The following SAXO1 variants were observed in gnomAD, a reference collection of about 807,000 sequenced individuals.
SAXO1 encodes stabilizer of axonemal microtubules 1, also known as 4930500O09Rik.
In SAXO1, 21 loss-of-function variants were observed where a neutral mutation model predicts 17.5. The ratio of observed to expected loss-of-function variants is 1.20; its 90% CI spans 0.85 to 1.72. The LOEUF is 1.72. Ranked by LOEUF, SAXO1 falls within the 40% of genes most tolerant of loss-of-function variation. The probability of loss-of-function intolerance (pLI) is 0.00; values close to 1 mark genes in which losing one functional copy is unlikely to be tolerated. For missense variants in SAXO1, 843 were observed against 596.0 expected (o/e 1.41, Z -4.32); for synonymous variants, 274 against 216.5 (o/e 1.27, Z -2.33).
intron 1 of SAXO1, among the ~76,000 whole-genome samples, chr9:18,985,093 C>G (rs909833791): frequency 1.3e-5 from 2 of 151,910 alleles, no homozygotes; most frequent in African/African-American, 4.8e-5. Context: ...TATTTCAATA[C>G]TGTGTCTCAA....
chr9:19,016,335 C>G (rs4977276), intron 1 of SAXO1, among the ~76,000 whole-genome samples: 1 of 152,142 alleles, frequency 6.6e-6, no homozygotes, highest in Non-Finnish European at 1.5e-5. Flanking sequence ...ACTCAGGAGG[C>G]TGAGGCAGAA....
chr9:19,043,664 G>A (rs1374891404), intron 1 of SAXO1, among the ~76,000 whole-genome samples: 1 of 152,016 alleles, frequency 6.6e-6, no homozygotes, highest in African/African-American at 2.4e-5. Context: ...CTACTCGGGG[G>A]CACTGATGTG....
At chr9:19,039,293 A>G (rs1836018385) in intron 1 of SAXO1, among the ~76,000 whole-genome samples, 1 of 152,236 alleles carries the variant, frequency 6.6e-6, no homozygotes, top group Admixed American at 6.5e-5. Context: ...GCGCTGCTTT[A>G]TTTAATGCGC....
chr9:18,951,112 A>G (rs567192219), intron 1 of SAXO1, among the ~76,000 whole-genome samples, 175 bp from the exon 2 acceptor site: 1 of 152,334 alleles, frequency 6.6e-6, no homozygotes, highest in African/African-American at 2.4e-5. Context: ...GCCAGAATAT[A>G]AAGGTGGTCT....
At chr9:19,011,734 C>CA (rs2130989555) in intron 1 of SAXO1, among the ~76,000 whole-genome samples, 1 of 152,242 alleles carries the variant, frequency 6.6e-6, no homozygotes, top group African/African-American at 2.4e-5. Context: ...TTAAATAACA[C>CA]AAAATCTAAG....
Position 18,941,824 on chromosome 9 carries a change from A to C in SAXO1, c.234T>G (p.Pro78=). ...GLTTSRRDFG[P]HKVAPVKVHQ... is the part of the protein sequence containing the mutation. Reference sequence around the variant, plus strand: ...GGACCTTCACTGGTGCCACTTTGTGAGGCCCAAAATCTCTCCTGTAAGGAA... The same window carrying C: ...GGACCTTCACTGGTGCCACTTTGTGCGGCCCAAAATCTCTCCTGTAAGGAA... Residue 78 remains proline, a synonymous_variant, in exon 3 of 4, where the codon CCT becomes CCG. Transcript: ENST00000380534. 6.2e-7 allele frequency: 1 copy of C among 1,614,162 alleles called. No individual in the cohort carries two copies. Among genetic ancestry groups the C allele is most frequent in the Non-Finnish European group, 8.5e-7 (1 of 1,180,004 alleles).
intron 1 of SAXO1, among the ~76,000 whole-genome samples, chr9:19,048,722 A>T (rs1158440591): frequency 6.6e-6 from 1 of 152,252 alleles, no homozygotes; most frequent in Non-Finnish European, 1.5e-5. Context: ...CTAACCTTTG[A>T]TTCCCTAACT....
chr9:19,026,310 T>C (rs1835469499), intron 1 of SAXO1, among the ~76,000 whole-genome samples: 1 of 152,204 alleles, frequency 6.6e-6, no homozygotes, highest in African/African-American at 2.4e-5. Context: ...CCTAGCAGTG[T>C]CTGATACCCA....
intron 1 of SAXO1, among the ~76,000 whole-genome samples, chr9:18,962,236 T>G (rs1832517942): frequency 6.6e-6 from 1 of 151,934 alleles, no homozygotes; most frequent in South Asian, 2.1e-4. Flanking sequence ...CCCGGCTAAT[T>G]TTTGTATTTT....
chr9:19,008,740 C>T (rs1051415097), intron 1 of SAXO1, among the ~76,000 whole-genome samples: 11 of 152,132 alleles, frequency 7.2e-5, no homozygotes, highest in African/African-American at 1.4e-4. Context: ...CCGACTATGA[C>T]GACACTGGAT....
intron 1 of SAXO1, among the ~76,000 whole-genome samples, chr9:18,982,897 AT>A (rs969541884): frequency 1.4e-4 from 22 of 152,204 alleles, no homozygotes; most frequent in African/African-American, 5.1e-4. Context: ...AGAAACAAGT[AT>A]TTATGCTACA....
chr9:19,036,319 T>C (rs565861705), upstream of SAXO1, among the ~76,000 whole-genome samples: 1 of 150,370 alleles, frequency 6.7e-6, no homozygotes, highest in African/African-American at 2.4e-5. Context: ...TGAGGAGAAA[T>C]TCAAGCTGGC....
chr9:19,006,368 A>C (rs1834481291), intron 1 of SAXO1, among the ~76,000 whole-genome samples: 1 of 152,238 alleles, frequency 6.6e-6, no homozygotes, highest in Non-Finnish European at 1.5e-5. Flanking sequence ...AACAACTCAA[A>C]TGTCCATCAA....
intron 1 of SAXO1, among the ~76,000 whole-genome samples, chr9:18,983,062 G>A (rs746825023): frequency 5.3e-5 from 8 of 151,774 alleles, no homozygotes; most frequent in Non-Finnish European, 1.0e-4. Context: ...TAGCAGAGAG[G>A]TTATTCAAGG....
intron 3 of SAXO1, among the ~76,000 whole-genome samples, chr9:18,939,291 A>C (rs1831447361): frequency 6.6e-6 from 1 of 152,170 alleles, no homozygotes; most frequent in Admixed American, 6.5e-5. Context: ...GTAGAGGCAA[A>C]AGTGCCCCCC....
chr9:18,998,654 C>T lies in SAXO1; in HGVS notation c.38+34217G>A, dbSNP rs114427940. On this transcript the variant is annotated intron_variant, in intron 1 of 3. Coordinates refer to ENST00000380534, the MANE Select transcript of SAXO1 (RefSeq NM_153707.4). ...TCCATGAGAAGAGCAACCCCAAACACGTAATTGTCAGATTCACCAAGGTTG... is the reference window on the plus strand; with the variant it reads ...TCCATGAGAAGAGCAACCCCAAACATGTAATTGTCAGATTCACCAAGGTTG... 6.7e-3 allele frequency among the ~76,000 whole-genome samples: 1,025 copies of T among 152,212 alleles called. 8 individuals carry two copies. Among genetic ancestry groups the T allele is most frequent in the African/African-American group, 0.023 (974 of 41,522 alleles).
chr9:18,941,525 A>G (rs1831556430), intron 3 of SAXO1, 112 bp downstream of exon 3: 2 of 1,220,228 alleles, frequency 1.6e-6, no homozygotes, highest in Admixed American at 1.9e-5. Flanking sequence ...GGCCCGTAGG[A>G]AGTAGTCTGC....
chr9:19,016,926 C>T (rs180833493), intron 1 of SAXO1, among the ~76,000 whole-genome samples: 40 of 151,420 alleles, frequency 2.6e-4, no homozygotes, highest in Admixed American at 2.0e-3. Flanking sequence ...AAAAGTGAGA[C>T]GCCCCTGACA....
At chr9:19,008,552 T>G (rs7862694) in intron 1 of SAXO1, among the ~76,000 whole-genome samples, 75,924 of 151,946 alleles carry the variant, frequency 0.5, 19,464 homozygotes, top group Non-Finnish European at 0.57. Flanking sequence ...CTTGCCATAT[T>G]TGAAGAGTTG....
Sources: gnomAD v4.1 joint callset for allele counts (sites outside exome capture counted in the v4.1 genomes callset) on GRCh38, gnomAD v4.1.1 for gene constraint, MANE v1.5 for transcripts, NCBI Gene and HGNC (gene_info 2026-07-23, HGNC 2026-07-21) for gene names.